PRRX2: variants seen among roughly 807,000 people sequenced by gnomAD.
The protein encoded by PRRX2 is paired related homeobox 2.
Under a neutral mutation model 18.0 loss-of-function variants are expected in PRRX2, and 11 were observed. That is an observed-to-expected ratio of 0.61 (90% CI 0.39 to 1.01). PRRX2 has a LOEUF of 1.01. PRRX2 is among the 50% of genes least tolerant of loss of function. The pLI is 0.01. For missense variants in PRRX2, 387 were observed against 351.0 expected (o/e 1.10, Z -0.82); for synonymous variants, 177 against 154.8 (o/e 1.14, Z -1.06).
In PRRX2 at chr9:129,675,466, G is replaced by C. The variant is rs1206191158; in HGVS notation, c.259+9340G>C. Among the ~76,000 whole-genome samples, 1 of 152,084 alleles carries C rather than the reference G, an allele frequency of 6.6e-6. No individual in the cohort carries two copies. The highest frequency in any genetic ancestry group is 1.5e-5 in the Non-Finnish European group (1 of 67,962). On this transcript the variant is annotated intron_variant, in intron 1 of 3. Transcript: ENST00000372469. The surrounding 1 kb of genome is among the most constrained non-coding windows in gnomAD (Gnocchi z 4.4). ...CTGCTGAGCTGGAGCCACTGGACAA[G>C]CCCCCTCCTGGCATCCTGCCGGCAC...
In PRRX2 at chr9:129,671,636, G is replaced by A. The variant is rs543795861; in HGVS notation, c.259+5510G>A. On this transcript the variant is annotated intron_variant, in intron 1 of 3. Transcript: ENST00000372469. This position sits in a 1 kb window ranked among gnomAD's most constrained non-coding sequence, Gnocchi z 4.0. ...AGGGCTGTGGTATCCCTCAAAGGGC[G>A]TGTCGAGCCCTGAGTGGGTGAGGGT... Among the ~76,000 whole-genome samples, 43 of 152,334 alleles carry A rather than the reference G, an allele frequency of 2.8e-4. No homozygotes were observed. The highest frequency in any genetic ancestry group is 8.2e-4 in the African/African-American group (34 of 41,582).
Position 129,690,795 on chromosome 9 carries a change from C to T in PRRX2, c.259+24669C>T, listed in dbSNP as rs1171017253. On this transcript the variant is annotated intron_variant, in intron 1 of 3. Coordinates refer to ENST00000372469, the MANE Select transcript of PRRX2 (RefSeq NM_016307.4). ...TGCTGGGATTACAGGCATGAGCCACCGCGCCCAGCCAGTGCCAGCTCTTAA... is the reference window on the plus strand; with the variant it reads ...TGCTGGGATTACAGGCATGAGCCACTGCGCCCAGCCAGTGCCAGCTCTTAA... Among the ~76,000 whole-genome samples, 4 of 151,642 alleles carry T rather than the reference C, an allele frequency of 2.6e-5. No homozygotes were observed. The East Asian group carries it at 5.9e-4, about 22-fold the overall frequency.
rs58405360 is a variant in PRRX2 at position 129,715,750 on chromosome 9, TCACACACACACACACACA to T, written c.260-3455_260-3438del. Among the ~76,000 whole-genome samples, 763 of 138,954 alleles carry T rather than the reference TCACACACACACACACACA, an allele frequency of 5.5e-3. 6 individuals are homozygous for T. The highest frequency in any genetic ancestry group is 0.02 in the African/African-American group (724 of 36,918). The allele number at this position is 138,954 out of a possible 152,430, so 91.2% of individuals were successfully genotyped here. On this transcript the variant is annotated intron_variant, in intron 1 of 3. Transcript: ENST00000372469. This position sits in a 1 kb window ranked among gnomAD's most constrained non-coding sequence, Gnocchi z 4.0. ...AAACCCAGCTTCAGGGACATCTTTC[TCACACACACACACACACA>T]CACACACACACACACACACACACAC...
Position 129,722,216 on chromosome 9 carries a change from G to A in PRRX2, c.627-1G>A. ...TGACCTGTGTCTCATGTCGCCCCCA[G>A]CACAGTGCCACCCTACAGCCCTGGG... On this transcript the variant is annotated splice_acceptor_variant, in intron 3 of 3. Transcript: ENST00000372469. LOFTEE classifies it high-confidence loss of function. The A allele has an allele frequency of 6.2e-7, 1 of 1,613,252 alleles. No individual in the cohort carries two copies.
In PRRX2 at chr9:129,666,027, C is replaced by T. The variant is rs2119042440; in HGVS notation, c.160C>T (p.Arg54Trp). 1 of 1,056,998 alleles carries T rather than the reference C, an allele frequency of 9.5e-7. No individual in the cohort carries two copies. The highest frequency in any genetic ancestry group is 1.1e-6 in the Non-Finnish European group (1 of 880,274). 65.5% of individuals were successfully genotyped at this position (1,056,998 alleles called of 1,614,324 possible). ...CCTGGAAGAGGTGGCGGCGGCCGGGCGGCTGGCGGCGCGCCCCGGGGCCAG... is the reference window on the plus strand; with the variant it reads ...CCTGGAAGAGGTGGCGGCGGCCGGGTGGCTGGCGGCGCGCCCCGGGGCCAG... ...LDLEEVAAAGRLAARPGARAE... is the reference protein window; with the variant it reads ...LDLEEVAAAGWLAARPGARAE... The change falls in exon 1 of 4, where the codon CGG (arginine) becomes TGG (tryptophan). Residue 54 changes from arginine (R) to tryptophan (W), a missense_variant. By Grantham distance (101) the Arg-to-Trp change is moderately radical. Coordinates refer to ENST00000372469, the MANE Select transcript of PRRX2 (RefSeq NM_016307.4).
intron 1 of PRRX2, among the ~76,000 whole-genome samples, chr9:129,717,876 C>A (rs920938581): frequency 3.3e-5 from 5 of 151,934 alleles, no homozygotes; most frequent in African/African-American, 7.3e-5. Flanking sequence ...AAATCAGATA[C>A]AAAAGAAGTG....
intron 3 of PRRX2, 135 bp downstream of exon 3, chr9:129,720,909 C>A: frequency 1.9e-6 from 2 of 1,039,756 alleles, no homozygotes; most frequent in Non-Finnish European, 2.6e-6. Context: ...TGGGGTACAC[C>A]AAGTGATGTG....
chr9:129,713,765 G>C (rs1469453311), intron 1 of PRRX2, among the ~76,000 whole-genome samples: 1 of 151,704 alleles, frequency 6.6e-6, no homozygotes, highest in Non-Finnish European at 1.5e-5. Flanking sequence ...TGAGTAGCTG[G>C]AATTACAGGT....
At chr9:129,677,924 T>TTTAA (rs1832180845) in intron 1 of PRRX2, among the ~76,000 whole-genome samples, 1 of 151,970 alleles carries the variant, frequency 6.6e-6, no homozygotes, top group Admixed American at 6.6e-5. Flanking sequence ...TTGCAGCAAA[T>TTTAA]TTAAGGCTGC....
intron 1 of PRRX2, among the ~76,000 whole-genome samples, chr9:129,714,963 C>T (rs957267403): frequency 7.2e-5 from 11 of 152,076 alleles, no homozygotes; most frequent in Non-Finnish European, 1.5e-4. Context: ...CGCAAGGGCT[C>T]TTGTTTCGGT....
chr9:129,716,730 C>T (rs1832712744), intron 1 of PRRX2, among the ~76,000 whole-genome samples: 1 of 152,092 alleles, frequency 6.6e-6, no homozygotes, highest in Non-Finnish European at 1.5e-5. Flanking sequence ...GCTGGGATTA[C>T]AGGCATGAGC....
At chr9:129,701,694 T>C (rs980438856) in intron 1 of PRRX2, among the ~76,000 whole-genome samples, 2 of 152,218 alleles carry the variant, frequency 1.3e-5, no homozygotes, top group Admixed American at 6.5e-5. Flanking sequence ...TCATGCACAC[T>C]GTAAATGGAG....
In PRRX2 at chr9:129,719,430, G is replaced by A; in HGVS notation, c.447+12G>A. 1 of 1,502,086 alleles carries A rather than the reference G, an allele frequency of 6.7e-7. No homozygotes were observed. The highest frequency in any genetic ancestry group is 8.9e-7 in the Non-Finnish European group (1 of 1,123,896). The allele number at this position is 1,502,086 out of a possible 1,614,324, so 93.0% of individuals were successfully genotyped here. On this transcript the variant is annotated intron_variant, in intron 2 of 3. Transcript: ENST00000372469. ...AGGCGCGCGTTCAGGTGAGCGCTCA[G>A]TCCCGGGCCTCCCGTGGGAGCGTGC...
In PRRX2 at chr9:129,722,499, C is replaced by G; in HGVS notation, c.*147C>G. 1.1e-6 allele frequency: 1 copy of G among 893,380 alleles called. No homozygotes were observed. The highest frequency in any genetic ancestry group is 1.5e-6 in the Non-Finnish European group (1 of 675,502). 55.3% of individuals were successfully genotyped at this position (893,380 alleles called of 1,614,324 possible). ...TCCCGAGCCCACGAGGCTGTTGAGGCCCCTGCAGCCGGGCCCAGCTCTTCT... is the reference window on the plus strand; with the variant it reads ...TCCCGAGCCCACGAGGCTGTTGAGGGCCCTGCAGCCGGGCCCAGCTCTTCT... On this transcript the variant is annotated 3_prime_UTR_variant, in exon 4 of 4. Coordinates refer to ENST00000372469, the MANE Select transcript of PRRX2 (RefSeq NM_016307.4).
At chr9:129,667,293 G>T (rs151014957) in intron 1 of PRRX2, among the ~76,000 whole-genome samples, 2 of 152,298 alleles carry the variant, frequency 1.3e-5, no homozygotes, top group African/African-American at 4.8e-5. Flanking sequence ...CCAGGAGTTG[G>T]GGTTTAGCTC....
intron 1 of PRRX2, among the ~76,000 whole-genome samples, chr9:129,680,413 A>G (rs1030435655): frequency 2.4e-4 from 32 of 130,916 alleles, no homozygotes; most frequent in South Asian, 1.6e-3. Context: ...AAAAAAAAAA[A>G]AAAGAAAAGA....
At chr9:129,678,002 C>T (rs1434756561) in intron 1 of PRRX2, among the ~76,000 whole-genome samples, 7 of 132,962 alleles carry the variant, frequency 5.3e-5, no homozygotes, top group South Asian at 2.4e-4. Context: ...CTCACTCTGT[C>T]GCCCAGGCTG....
chr9:129,688,297 C>T (rs1832319094), intron 1 of PRRX2, among the ~76,000 whole-genome samples: 2 of 152,146 alleles, frequency 1.3e-5, no homozygotes, highest in South Asian at 4.1e-4. Context: ...CTCTTGGACT[C>T]AAGCGATCCT....
intron 1 of PRRX2, among the ~76,000 whole-genome samples, chr9:129,712,294 G>A: frequency 6.6e-6 from 1 of 152,136 alleles, no homozygotes; most frequent in East Asian, 1.9e-4. Context: ...CGGGGGTCAG[G>A]CGCAAACTGA....
Sources: allele counts gnomAD v4.1 joint callset (sites outside exome capture counted in the v4.1 genomes callset), GRCh38; gene constraint gnomAD v4.1.1; non-coding constraint Gnocchi (gnomAD v3.1); transcripts MANE v1.5; gene names NCBI Gene and HGNC (gene_info 2026-07-23, HGNC 2026-07-21).